The following ROBO2 variants were observed in gnomAD, a reference collection of about 807,000 sequenced individuals.
The protein encoded by ROBO2 is roundabout guidance receptor 2.
In ROBO2, 53 loss-of-function variants were observed where a neutral mutation model predicts 160.8. The observed-to-expected ratio is 0.33, with a 90% confidence interval of 0.26 to 0.41. The LOEUF (loss-of-function observed/expected upper bound fraction) is 0.41, where lower values mean the gene tolerates loss of function less well. Among genes scored for constraint, ROBO2 ranks in the 10% least tolerant of loss-of-function variants. The pLI is 1.00. For synonymous variants in ROBO2, 664 were observed against 611.7 expected, an observed-to-expected ratio of 1.09 and a Z score of -1.26; for missense variants, 1,577 against 1,722.4, an observed-to-expected ratio of 0.92 and a Z score of 1.49.
chr3:77,639,575 G>A (rs1415100554), intron 24 of ROBO2, among the ~76,000 whole-genome samples: 2 of 152,186 alleles, frequency 1.3e-5, no homozygotes, highest in African/African-American at 4.8e-5. Flanking sequence ...AGAATGGCAA[G>A]TGAAGCTTGA....
chr3:76,531,125 C>T (rs961067276), intron 2 of ROBO2, among the ~76,000 whole-genome samples: 10 of 151,814 alleles, frequency 6.6e-5, no homozygotes, highest in Admixed American at 1.3e-4. Context: ...GTTTTTTGTC[C>T]GACCTCAGAG....
At chr3:77,588,990 A>C in intron 17 of ROBO2, 57 bp downstream of exon 18, 1 of 1,586,556 alleles carries the variant, frequency 6.3e-7, no homozygotes, top group South Asian at 1.1e-5. Context: ...TAATGAAATG[A>C]ATGGAAGGAA....
intron 2 of ROBO2, among the ~76,000 whole-genome samples, chr3:76,383,165 AAAG>A (rs755996892): frequency 6.0e-4 from 91 of 152,312 alleles, no homozygotes; most frequent in Middle Eastern, 3.4e-3. Context: ...AATAGAAAAA[AAAG>A]AGAATTTTAA....
At chr3:76,559,162 C>G (rs2083997763) in intron 2 of ROBO2, among the ~76,000 whole-genome samples, 2 of 152,126 alleles carry the variant, frequency 1.3e-5, no homozygotes, top group Non-Finnish European at 2.9e-5. Flanking sequence ...AGATACCACA[C>G]ATTTTTGTTC....
exon 25 of ROBO2, chr3:77,644,808 G>A (rs1241913400): frequency 8.1e-6 from 13 of 1,613,976 alleles, no homozygotes; most frequent in East Asian, 4.5e-5. Context: ...TAGGAAAACC[G>A]AGGTGTTGAG....
intron 2 of ROBO2, among the ~76,000 whole-genome samples, chr3:77,119,383 A>G (rs994224834): frequency 9.9e-5 from 15 of 152,222 alleles, no homozygotes; most frequent in Admixed American, 9.2e-4. Flanking sequence ...TTACGGGACT[A>G]TAGTCATATG....
intron 2 of ROBO2, among the ~76,000 whole-genome samples, chr3:76,270,254 A>G (rs1707351899): frequency 6.6e-6 from 1 of 152,068 alleles, no homozygotes. Flanking sequence ...AGACAATCCA[A>G]CACTTTAAAT....
chr3:76,109,156 A>C (rs2070095949), intron 2 of ROBO2, among the ~76,000 whole-genome samples: 1 of 152,042 alleles, frequency 6.6e-6, no homozygotes, highest in African/African-American at 2.4e-5. Context: ...AAGCACAATA[A>C]AGTGTATAAT....
exon 14 of ROBO2, chr3:77,574,696 T>C (rs753139640): frequency 8.7e-6 from 14 of 1,613,072 alleles, no homozygotes; most frequent in Admixed American, 1.7e-5. Flanking sequence ...AAGGAATGGA[T>C]AGTGAATCTA....
chr3:77,563,729 C>G (rs1181568723), intron 11 of ROBO2, among the ~76,000 whole-genome samples: 1 of 151,948 alleles, frequency 6.6e-6, no homozygotes, highest in South Asian at 2.1e-4. Context: ...CATTTATATT[C>G]CTAATAATTA....
At chr3:76,544,603 T>C (rs1401676860) in intron 2 of ROBO2, among the ~76,000 whole-genome samples, 1 of 152,048 alleles carries the variant, frequency 6.6e-6, no homozygotes, top group Non-Finnish European at 1.5e-5. Context: ...ATTTGTAGAC[T>C]AGTTCTGTCC....
At chr3:77,397,553 A>T (rs976336521) in intron 2 of ROBO2, among the ~76,000 whole-genome samples, 2 of 152,136 alleles carry the variant, frequency 1.3e-5, no homozygotes, top group African/African-American at 2.4e-5. Context: ...TCATTAAAAG[A>T]TCCTCAGTAA....
intron 2 of ROBO2, among the ~76,000 whole-genome samples, chr3:76,132,399 G>GGC (rs1553653775): frequency 7.5e-6 from 1 of 133,612 alleles, no homozygotes; most frequent in Non-Finnish European, 1.7e-5. Flanking sequence ...ACTGTTGGGG[G>GGC]GGGGGGGGGA....
chr3:77,594,830 C>T (rs969045837), intron 17 of ROBO2, among the ~76,000 whole-genome samples: 5 of 152,180 alleles, frequency 3.3e-5, no homozygotes, highest in South Asian at 2.1e-4. Context: ...AATAATGCTA[C>T]GTTGATCTTG....
intron 2 of ROBO2, among the ~76,000 whole-genome samples, chr3:75,940,062 T>G (rs917504165): frequency 6.6e-6 from 1 of 152,168 alleles, no homozygotes; most frequent in African/African-American, 2.4e-5. Context: ...ACATAATTTC[T>G]TAAGCATAAT....
chr3:76,544,430 C>T (rs1358063010), intron 2 of ROBO2, among the ~76,000 whole-genome samples: 3 of 151,936 alleles, frequency 2.0e-5, no homozygotes, highest in African/African-American at 7.2e-5. Flanking sequence ...TCTATTTTGA[C>T]TAGAGTTTTA....
At chr3:77,083,285 C>G (rs560849888) in intron 1 of ROBO2, among the ~76,000 whole-genome samples, 1 of 152,060 alleles carries the variant, frequency 6.6e-6, no homozygotes, top group Non-Finnish European at 1.5e-5. Flanking sequence ...TGTACTTCAT[C>G]GTAACACTCA....
intron 1 of ROBO2, among the ~76,000 whole-genome samples, chr3:77,069,930 A>C (rs781004416): frequency 2.0e-5 from 3 of 152,194 alleles, no homozygotes; most frequent in Non-Finnish European, 2.9e-5. Context: ...ATGTGATCTT[A>C]TTTGGAAATA....
At chr3:77,611,911 C>T (rs987735769) in intron 21 of ROBO2, among the ~76,000 whole-genome samples, 1 of 152,104 alleles carries the variant, frequency 6.6e-6, no homozygotes, top group Non-Finnish European at 1.5e-5. Context: ...AGGAAGAATT[C>T]TATGGTAATT....
Sources: gnomAD v4.1 joint callset for allele counts (sites outside exome capture counted in the v4.1 genomes callset) on GRCh38, gnomAD v4.1.1 for gene constraint, MANE v1.5 for transcripts, NCBI Gene and HGNC (gene_info 2026-07-23, HGNC 2026-07-21) for gene names.